GTSE1: variants seen among roughly 807,000 people sequenced by gnomAD.
GTSE1 encodes G2 and S-phase expressed 1, also known as G2 and S phase-expressed protein 1.
A neutral mutation model predicts 60.5 loss-of-function variants in GTSE1; 52 were observed. The observed-to-expected ratio is 0.86, with a 90% CI of 0.69 to 1.08. GTSE1 has a LOEUF of 1.08. Ranked by LOEUF, GTSE1 falls within the 50% of genes least tolerant of loss-of-function variation. The pLI is 0.00. For synonymous variants in GTSE1, 368 were observed against 386.5 expected (o/e 0.95, Z 0.56); for missense variants, 937 against 961.8 (o/e 0.97, Z 0.34).
At position 46,320,626 on chromosome 22, in the gene GTSE1, A is replaced by G. The variant is rs974173697; in HGVS notation, c.1433-2564A>G. Among the ~76,000 whole-genome samples, 3 of 152,228 alleles carry G rather than the reference A, an allele frequency of 2.0e-5. No individual in the cohort carries two copies. The highest frequency in any genetic ancestry group is 7.2e-5 in the African/African-American group (3 of 41,464). On this transcript the variant is annotated intron_variant, in intron 7 of 11. Coordinates refer to ENST00000454366, the MANE Select transcript of GTSE1 (RefSeq NM_016426.7). The surrounding 1 kb of genome is among the most constrained non-coding windows in gnomAD (Gnocchi z 7.1). The stretch of plus-strand genomic sequence containing the variant: ...CTGTAGTGGAGGCTTTCATATGTGC[A>G]CTTTCTCAAAATACTCGAGGCAAGC...
chr22:46,314,783 C>T lies in GTSE1; in HGVS notation c.1051+770C>T, dbSNP rs1050032021. 1.4e-5 allele frequency among the ~76,000 whole-genome samples: 2 copies of T among 147,420 alleles called. No individual in the cohort carries two copies. The highest frequency in any genetic ancestry group is 2.5e-5 in the African/African-American group (1 of 39,256). On this transcript the variant is annotated intron_variant, in intron 6 of 11. Coordinates refer to ENST00000454366, the MANE Select transcript of GTSE1 (RefSeq NM_016426.7). The surrounding 1 kb of genome is among the most constrained non-coding windows in gnomAD (Gnocchi z 7.1). Reference sequence around the variant, plus strand: ...CCCAGCTACTCGGGAGACTGGGCCACGAGAATGGCTTGAACGCGGGAGGCA... The same window carrying T: ...CCCAGCTACTCGGGAGACTGGGCCATGAGAATGGCTTGAACGCGGGAGGCA...
chr22:46,301,104 A>T (rs1298232302), intron 2 of GTSE1, among the ~76,000 whole-genome samples: 1 of 152,212 alleles, frequency 6.6e-6, no homozygotes, highest in Admixed American at 6.5e-5. Context: ...TTGTACCTAT[A>T]TAGGGTTCCA....
intron 4 of GTSE1, among the ~76,000 whole-genome samples, chr22:46,311,731 T>C (rs2077749765): frequency 6.6e-6 from 1 of 152,242 alleles, no homozygotes; most frequent in South Asian, 2.1e-4. Flanking sequence ...CAAGAAGATT[T>C]ATTGCAATTG....
In GTSE1 at chr22:46,308,595, A is replaced by G. The variant is rs1295327833; in HGVS notation, c.414A>G (p.Ile138Met). 1 of 1,614,046 alleles carries G rather than the reference A, an allele frequency of 6.2e-7. No individual in the cohort carries two copies. Among genetic ancestry groups the G allele is most frequent in the Non-Finnish European group, 8.5e-7 (1 of 1,180,032 alleles). ...GGAGCCAGGGCGTGGAAAGATTCAT[A>G]CAGGAGTCAAAATTAAAAATAAACC... ...DPRSQGVERF[I>M]QESKLKINLF... Residue 138 changes from isoleucine (I) to methionine (M), a missense_variant, in exon 4 of 12, where the codon ATA (isoleucine) becomes ATG (methionine). Physicochemically the swap from Ile to Met is conservative, Grantham distance 10. Coordinates refer to ENST00000454366, the MANE Select transcript of GTSE1 (RefSeq NM_016426.7).
rs1033566410 is a variant in GTSE1 at position 46,320,988 on chromosome 22, G to C, written c.1433-2202G>C. ...GGGAGAGGACAACCGAGAGGAAGGG[G>C]TCTCGGGAGAGAGGGAGCCAACACG... On this transcript the variant is annotated intron_variant, in intron 7 of 11. Coordinates refer to ENST00000454366, the MANE Select transcript of GTSE1 (RefSeq NM_016426.7). This position sits in a 1 kb window ranked among gnomAD's most constrained non-coding sequence, Gnocchi z 7.1. Among the ~76,000 whole-genome samples, 1 of 152,094 alleles carries C rather than the reference G, an allele frequency of 6.6e-6. No individual in the cohort carries two copies. Among genetic ancestry groups the C allele is most frequent in the Non-Finnish European group, 1.5e-5 (1 of 68,018 alleles).
intron 2 of GTSE1, among the ~76,000 whole-genome samples, chr22:46,299,518 G>T (rs2077677135): frequency 6.6e-6 from 1 of 152,196 alleles, no homozygotes; most frequent in South Asian, 2.1e-4. Flanking sequence ...AGCTGTGCAA[G>T]CTGAGAACCT....
chr22:46,299,513 T>C (rs1197297400), intron 2 of GTSE1, among the ~76,000 whole-genome samples: 1 of 152,190 alleles, frequency 6.6e-6, no homozygotes, highest in East Asian at 1.9e-4. Flanking sequence ...CACCCAGCTG[T>C]GCAAGCTGAG....
In GTSE1 at chr22:46,329,689, C is replaced by T. The variant is rs1033127384; in HGVS notation, c.2136+122C>T. 3.2e-5 allele frequency: 24 copies of T among 760,180 alleles called. No individual in the cohort carries two copies. In the Admixed American group the frequency reaches 4.5e-4, roughly 14 times the overall value. 47.1% of individuals were successfully genotyped at this position (760,180 alleles called of 1,614,324 possible). On this transcript the variant is annotated intron_variant, in intron 11 of 11. Transcript: ENST00000454366. The surrounding 1 kb of genome is among the most constrained non-coding windows in gnomAD (Gnocchi z 6.4). Reference sequence around the variant, plus strand: ...TGGCTGTTGAGTCTTCTCAGCTACACACCTCAGGGCAGGATGCACCTTTGG... The same window carrying T: ...TGGCTGTTGAGTCTTCTCAGCTACATACCTCAGGGCAGGATGCACCTTTGG...
rs1473465747 is a variant in GTSE1, at chr22:46,324,735, G to A, written c.1505+1473G>A. Among the ~76,000 whole-genome samples the A allele has an allele frequency of 6.6e-6, 1 of 152,168 alleles. No homozygotes were observed. Among genetic ancestry groups the A allele is most frequent in the African/African-American group, 2.4e-5 (1 of 41,448 alleles). ...CTTAGCAATAAAGGGAGGAGGGTGG[G>A]GAATCCTAGAACTTCGCGGAGAGCA... On this transcript the variant is annotated intron_variant, in intron 8 of 11. Coordinates refer to ENST00000454366, the MANE Select transcript of GTSE1 (RefSeq NM_016426.7). This position sits in a 1 kb window ranked among gnomAD's most constrained non-coding sequence, Gnocchi z 5.2.
At position 46,299,311 on chromosome 22, in the gene GTSE1, A is replaced by G. The variant is rs2077675747; in HGVS notation, c.79+1832A>G. On this transcript the variant is annotated intron_variant, in intron 2 of 11. Transcript: ENST00000454366. ...GCGGTCAGCATTCCAATAGCTGTGC[A>G]GCGTATCTGCTCTCTGCGGCACCCA... Among the ~76,000 whole-genome samples, 9 of 152,364 alleles carry G rather than the reference A, an allele frequency of 5.9e-5. No individual in the cohort carries two copies. In the South Asian group the frequency reaches 1.9e-3, roughly 32 times the overall value.
chr22:46,307,181 A>G (rs957501883), intron 2 of GTSE1, among the ~76,000 whole-genome samples: 2 of 152,216 alleles, frequency 1.3e-5, no homozygotes, highest in Admixed American at 6.5e-5. Context: ...GGGGTGGGGT[A>G]CAGAGTAATT....
Position 46,308,319 on chromosome 22 carries a change from T to G in GTSE1, c.138T>G (p.Ser46Arg). 6.2e-7 allele frequency: 1 copy of G among 1,612,356 alleles called. No individual in the cohort carries two copies. Among genetic ancestry groups the G allele is most frequent in the Non-Finnish European group, 8.5e-7 (1 of 1,178,614 alleles). The change falls in exon 4 of 12, where the codon AGT becomes AGG. Residue 46 changes from serine (S) to arginine (R), a missense_variant and splice_region_variant. Coordinates refer to ENST00000454366, the MANE Select transcript of GTSE1 (RefSeq NM_016426.7). Reference protein sequence around the residue: ...FDFDLSLSSSSANEDDEVFFG... With the variant: ...FDFDLSLSSSRANEDDEVFFG... ...AATCATTCTTTTTTTAAACAAATAG[T>G]GCAAATGAAGATGATGAAGTCTTCT... is the stretch of plus-strand genomic sequence containing the variant.
Position 46,299,287 on chromosome 22 carries a change from C to T in GTSE1, c.79+1808C>T, listed in dbSNP as rs117967922. ...CCGCTTTGTGCTTTCGCCCTCAGGGCGGTCAGCATTCCAATAGCTGTGCAG... is the reference window on the plus strand; with the variant it reads ...CCGCTTTGTGCTTTCGCCCTCAGGGTGGTCAGCATTCCAATAGCTGTGCAG... On this transcript the variant is annotated intron_variant, in intron 2 of 11. Transcript: ENST00000454366. 1.5e-3 allele frequency among the ~76,000 whole-genome samples: 231 copies of T among 152,376 alleles called. 1 individual carries two copies. Among genetic ancestry groups the T allele is most frequent in the East Asian group, 0.013 (66 of 5,190 alleles).
Position 46,310,735 on chromosome 22 carries a change from C to T in GTSE1, c.763-1406C>T, listed in dbSNP as rs1237964707. Among the ~76,000 whole-genome samples, 1 of 152,198 alleles carries T rather than the reference C, an allele frequency of 6.6e-6. No homozygotes were observed. Among genetic ancestry groups the T allele is most frequent in the East Asian group, 1.9e-4 (1 of 5,200 alleles). ...CCTGAGGTCAGGAGTTTGAGCCCAG[C>T]CCGGCCAACATGGTGAAACCCCGTC... On this transcript the variant is annotated intron_variant, in intron 4 of 11. Coordinates refer to ENST00000454366, the MANE Select transcript of GTSE1 (RefSeq NM_016426.7). This position sits in a 1 kb window ranked among gnomAD's most constrained non-coding sequence, Gnocchi z 4.4.
chr22:46,309,523 C>T lies in GTSE1; in HGVS notation c.762+580C>T, dbSNP rs6008602. On this transcript the variant is annotated intron_variant, in intron 4 of 11. Coordinates refer to ENST00000454366, the MANE Select transcript of GTSE1 (RefSeq NM_016426.7). The surrounding 1 kb of genome is among the most constrained non-coding windows in gnomAD (Gnocchi z 6.2). The stretch of plus-strand genomic sequence containing the variant: ...AGGAAGACGGGGCGGGTGGGAGCCC[C>T]GGGGCCCACCCTGCAGCCCGTTCCC... Among the ~76,000 whole-genome samples, 22,456 of 152,072 alleles carry T rather than the reference C, an allele frequency of 0.15. 2,242 individuals are homozygous for T. Among genetic ancestry groups the T allele is most frequent in the African/African-American group, 0.28 (11,673 of 41,460 alleles).
chr22:46,300,946 T>G (rs980560552), intron 2 of GTSE1, among the ~76,000 whole-genome samples: 1 of 152,226 alleles, frequency 6.6e-6, no homozygotes, highest in African/African-American at 2.4e-5. Context: ...CTTCCAGACA[T>G]AATTTGTGCA....
chr22:46,302,981 G>T (rs2077697721), intron 2 of GTSE1, among the ~76,000 whole-genome samples: 1 of 146,178 alleles, frequency 6.8e-6, no homozygotes, highest in African/African-American at 2.5e-5. Flanking sequence ...CTCACTGCAA[G>T]CTCCGCCTCC....
intron 8 of GTSE1, among the ~76,000 whole-genome samples, chr22:46,323,981 C>T (rs1360249698): frequency 6.6e-6 from 1 of 152,254 alleles, no homozygotes; most frequent in East Asian, 1.9e-4. Context: ...CGTGAGCCAC[C>T]GTGTCCGGCC....
chr22:46,303,222 T>C (rs150085358), intron 2 of GTSE1, among the ~76,000 whole-genome samples: 30 of 152,312 alleles, frequency 2.0e-4, no homozygotes, highest in African/African-American at 3.8e-4. Context: ...TTATTTGATA[T>C]GTTACTTTTA....
Sources: gnomAD v4.1 joint callset for allele counts (sites outside exome capture counted in the v4.1 genomes callset) on GRCh38, gnomAD v4.1.1 for gene constraint, Gnocchi (gnomAD v3.1) non-coding constraint, MANE v1.5 for transcripts, NCBI Gene and HGNC (gene_info 2026-07-23, HGNC 2026-07-21) for gene names.